ESF1: variants seen among roughly 807,000 people sequenced by gnomAD.
The protein encoded by ESF1 is ESF1 homolog.
ESF1 carries 58 observed loss-of-function variants against 92.0 expected under a neutral mutation model. The ratio of observed to expected loss-of-function variants is 0.63; its 90% CI spans 0.51 to 0.78. ESF1 has a LOEUF of 0.78. Ranked by LOEUF, ESF1 falls within the 30% of genes least tolerant of loss-of-function variation. The probability of loss-of-function intolerance (pLI) is 0.00; values close to 1 mark genes in which losing one functional copy is unlikely to be tolerated. For missense variants in ESF1, 922 were observed against 989.1 expected, an observed-to-expected ratio of 0.93 and a Z score of 0.91; for synonymous variants, 321 against 313.7, an observed-to-expected ratio of 1.02 and a Z score of -0.24.
intron 7 of ESF1, among the ~76,000 whole-genome samples, chr20:13,768,095 G>A (rs1466867263): frequency 6.6e-6 from 1 of 152,178 alleles, no homozygotes; most frequent in South Asian, 2.1e-4. Flanking sequence ...AATTTCATGT[G>A]ACTGAATTTT....
At chr20:13,772,748 C>T in intron 4 of ESF1, 133 bp from the exon 5 acceptor site, 1 of 608,838 alleles carries the variant, frequency 1.6e-6, no homozygotes, top group Non-Finnish European at 2.9e-6. Context: ...ACTTCCAAAT[C>T]CACTATAGGA....
rs752608133 is a variant in ESF1 at position 13,775,887 on chromosome 20, G to A, written c.1021C>T (p.Pro341Ser). 3 of 1,607,012 alleles carry A rather than the reference G, an allele frequency of 1.9e-6. No individual in the cohort carries two copies. The highest frequency in any genetic ancestry group is 1.7e-5 in the Admixed American group (1 of 59,094). The change falls in exon 3 of 14, where the codon CCT becomes TCT. Residue 341 changes from proline (P) to serine (S), a missense_variant. Transcript: ENST00000617257. ...CAAAAGGTTACCTCATCAGCACGAG[G>A]AGCATCTTTATCTAATTCTCTCCAA... ...HAWRELDKDA[P>S]RADEITRRLA...
chr20:13,738,358 G>C (rs2049989609), intron 9 of ESF1, among the ~76,000 whole-genome samples: 1 of 148,594 alleles, frequency 6.7e-6, no homozygotes, highest in African/African-American at 2.5e-5. Flanking sequence ...GTGTTGCCCA[G>C]GCTGGAGTGC....
chr20:13,775,008 C>A (rs1171062653), intron 4 of ESF1, 149 bp downstream of exon 4: 1 of 553,374 alleles, frequency 1.8e-6, no homozygotes, highest in East Asian at 2.9e-5. Flanking sequence ...AACATTTATA[C>A]CTGTTACATA....
intron 4 of ESF1, among the ~76,000 whole-genome samples, chr20:13,773,115 T>C (rs1421403462): frequency 6.6e-6 from 1 of 152,240 alleles, no homozygotes; most frequent in African/African-American, 2.4e-5. Flanking sequence ...AGATTAGGTA[T>C]AGTCTCGATA....
chr20:13,759,659 A>C, intron 9 of ESF1, 33 bp downstream of exon 9: 1 of 1,563,924 alleles, frequency 6.4e-7, no homozygotes, highest in Non-Finnish European at 8.6e-7. Flanking sequence ...CTGAAATTCG[A>C]AAAAGAGAAA....
At chr20:13,739,926 T>C (rs887913683) in intron 9 of ESF1, among the ~76,000 whole-genome samples, 4 of 152,090 alleles carry the variant, frequency 2.6e-5, no homozygotes, top group Non-Finnish European at 5.9e-5. Context: ...TAAGCCAAGA[T>C]GCTTAAGGGT....
At chr20:13,745,497 G>A (rs2050042596) in intron 9 of ESF1, among the ~76,000 whole-genome samples, 1 of 151,942 alleles carries the variant, frequency 6.6e-6, no homozygotes, top group Non-Finnish European at 1.5e-5. Context: ...TGTGGCCCAG[G>A]CTAGAGTGTA....
At chr20:13,753,384 A>G (rs1978727804) in intron 9 of ESF1, among the ~76,000 whole-genome samples, 1 of 149,818 alleles carries the variant, frequency 6.7e-6, no homozygotes, top group African/African-American at 2.5e-5. Flanking sequence ...ATTCCCATCC[A>G]CTGGCTGGCC....
intron 11 of ESF1, among the ~76,000 whole-genome samples, chr20:13,721,120 C>G (rs2049865159): frequency 6.6e-6 from 1 of 151,622 alleles, no homozygotes; most frequent in Non-Finnish European, 1.5e-5. Context: ...GAGACTCTGT[C>G]TCGATAAAAA....
In ESF1 at chr20:13,771,395, T is replaced by C; in HGVS notation, c.1339A>G (p.Ser447Gly). The change falls in exon 6 of 14, where the codon AGT becomes GGT. Residue 447 changes from serine (S) to glycine (G), a missense_variant. Transcript: ENST00000617257. ...CCATCACAATCCTCATAAATTTTAC[T>C]AGCTGTTTCCGGAGAATCACAGTCT... ...VVDCDSPETA[S>G]KIYEDCDGLE... The C allele has an allele frequency of 3.1e-6, 5 of 1,612,990 alleles. No individual in the cohort carries two copies. The highest frequency in any genetic ancestry group is 4.2e-6 in the Non-Finnish European group (5 of 1,179,506).
At chr20:13,761,018 T>C (rs1284934595) in intron 8 of ESF1, among the ~76,000 whole-genome samples, 2 of 152,142 alleles carry the variant, frequency 1.3e-5, no homozygotes, top group Non-Finnish European at 1.5e-5. Flanking sequence ...GGGAGACTTT[T>C]CATTTTGTTC....
intron 9 of ESF1, among the ~76,000 whole-genome samples, chr20:13,739,196 G>C (rs1443139365): frequency 6.6e-6 from 1 of 151,414 alleles, no homozygotes; most frequent in South Asian, 2.1e-4. Flanking sequence ...GTTTTTTTTT[G>C]TTGCTGATTG....
chr20:13,736,954 G>C (rs1246470776), intron 9 of ESF1, among the ~76,000 whole-genome samples: 1 of 152,024 alleles, frequency 6.6e-6, no homozygotes, highest in South Asian at 2.1e-4. Flanking sequence ...AAAATGCTTT[G>C]TTCTTGTTGT....
At chr20:13,718,086 T>C (rs1032840974) in intron 12 of ESF1, among the ~76,000 whole-genome samples, 1 of 152,160 alleles carries the variant, frequency 6.6e-6, no homozygotes, top group Non-Finnish European at 1.5e-5. Context: ...GCCATGGGAT[T>C]AAACGAGAAC....
chr20:13,767,584 T>C (rs1916557227), intron 7 of ESF1, among the ~76,000 whole-genome samples: 1 of 151,782 alleles, frequency 6.6e-6, no homozygotes, highest in African/African-American at 2.4e-5. Context: ...TTTTTTCACC[T>C]GGAGTTCTAA....
chr20:13,784,217 T>C (rs1415060922), intron 1 of ESF1, among the ~76,000 whole-genome samples: 1 of 151,716 alleles, frequency 6.6e-6, no homozygotes, highest in Non-Finnish European at 1.5e-5. Flanking sequence ...TTGTGAAAAG[T>C]CTCCAATGGT....
intron 9 of ESF1, among the ~76,000 whole-genome samples, chr20:13,742,967 CT>C (rs1201545681): frequency 1.2e-4 from 18 of 152,128 alleles, no homozygotes; most frequent in Non-Finnish European, 2.4e-4. Flanking sequence ...AATATGTGGT[CT>C]TGTTGACCAT....
At chr20:13,742,572 T>C (rs1009274073) in intron 9 of ESF1, among the ~76,000 whole-genome samples, 1 of 152,114 alleles carries the variant, frequency 6.6e-6, no homozygotes, top group Admixed American at 6.5e-5. Context: ...CTAGGGGACA[T>C]GCATAGAAAT....
Sources: gnomAD v4.1 joint callset for allele counts (sites outside exome capture counted in the v4.1 genomes callset) on GRCh38, gnomAD v4.1.1 for gene constraint, MANE v1.5 for transcripts, NCBI Gene and HGNC (gene_info 2026-07-23, HGNC 2026-07-21) for gene names.